Variants in ACOT13 observed in about 807,000 individuals in gnomAD.
The protein encoded by ACOT13 is acyl-CoA thioesterase 13.
Under a neutral mutation model 11.8 loss-of-function variants are expected in ACOT13, and 10 were observed. The observed-to-expected ratio is 0.85, with a 90% CI of 0.53 to 1.44. The LOEUF (loss-of-function observed/expected upper bound fraction) is 1.44. ACOT13 is among the 40% of genes most tolerant of loss of function. ACOT13 has a pLI of 0.00. For synonymous variants in ACOT13, 53 were observed against 61.0 expected (o/e 0.87, Z 0.61); for missense variants, 172 against 174.1 (o/e 0.99, Z 0.07).
chr6:24,669,004 C>A (rs960322190), intron 1 of ACOT13, among the ~76,000 whole-genome samples: 1 of 152,136 alleles, frequency 6.6e-6, no homozygotes, highest in African/African-American at 2.4e-5. Context: ...GTGAAACAGC[C>A]CTAGGTTCCC....
At chr6:24,667,477 G>A (rs946790803) in intron 1 of ACOT13, 133 bp downstream of exon 1, 20 of 786,122 alleles carry the variant, frequency 2.5e-5, no homozygotes, top group Admixed American at 2.4e-4. Context: ...ATTCACCTTA[G>A]TAATAATGAT....
intron 1 of ACOT13, among the ~76,000 whole-genome samples, chr6:24,688,569 G>C (rs1255173659): frequency 6.6e-6 from 1 of 151,634 alleles, no homozygotes; most frequent in Non-Finnish European, 1.5e-5. Flanking sequence ...ATTGTGTGAG[G>C]GGAAATAACC....
At position 24,702,965 on chromosome 6, in the gene ACOT13, T is replaced by G. The variant is rs971310937; in HGVS notation, c.*1350T>G. On this transcript the variant is annotated 3_prime_UTR_variant, in exon 3 of 3. Coordinates refer to ENST00000230048, the MANE Select transcript of ACOT13 (RefSeq NM_018473.4). Reference sequence around the variant, plus strand: ...GGAGTGATACAATCACAGCTTCCCATAGCCTCAAAATCCCAGGCTCAAGAC... The same window carrying G: ...GGAGTGATACAATCACAGCTTCCCAGAGCCTCAAAATCCCAGGCTCAAGAC... 1 of 152,212 alleles carries G rather than the reference T, an allele frequency of 6.6e-6. No homozygotes were observed. 9.4% of individuals were successfully genotyped at this position (152,212 alleles called of 1,614,324 possible).
chr6:24,677,705 T>C (rs1778478927), intron 1 of ACOT13, among the ~76,000 whole-genome samples: 1 of 152,246 alleles, frequency 6.6e-6, no homozygotes, highest in Non-Finnish European at 1.5e-5. Context: ...TCCATCTTAC[T>C]AAATGGGTAT....
Position 24,701,629 on chromosome 6 carries a change from T to G in ACOT13, c.*14T>G. ...CTGGGAAACTGAGAGAACAGCAGAATGACCTAAAGAAACCCAACAATGAAT... is the reference window on the plus strand; with the variant it reads ...CTGGGAAACTGAGAGAACAGCAGAAGGACCTAAAGAAACCCAACAATGAAT... On this transcript the variant is annotated 3_prime_UTR_variant, in exon 3 of 3. Coordinates refer to ENST00000230048, the MANE Select transcript of ACOT13 (RefSeq NM_018473.4). 1.3e-6 allele frequency: 2 copies of G among 1,591,064 alleles called. No individual in the cohort carries two copies. Among genetic ancestry groups the G allele is most frequent in the Non-Finnish European group, 1.7e-6 (2 of 1,168,900 alleles).
intron 1 of ACOT13, among the ~76,000 whole-genome samples, chr6:24,676,975 C>T (rs71555158): frequency 0.034 from 5,230 of 152,224 alleles, 145 homozygotes; most frequent in Middle Eastern, 0.12. Context: ...ATATATTTAC[C>T]CTTTTCCCTT....
At chr6:24,688,539 CAAAAAAA>C (rs34225480) in intron 1 of ACOT13, among the ~76,000 whole-genome samples, 10 of 82,338 alleles carry the variant, frequency 1.2e-4, no homozygotes, top group Non-Finnish European at 2.5e-4. Context: ...GACCCTGTCT[CAAAAAAA>C]AAAAAAAAAA....
At chr6:24,676,273 G>A (rs1490692792) in intron 1 of ACOT13, among the ~76,000 whole-genome samples, 1 of 151,996 alleles carries the variant, frequency 6.6e-6, no homozygotes, top group Non-Finnish European at 1.5e-5. Context: ...AAAGTCATTG[G>A]TAGCTTGATG....
At chr6:24,675,553 C>A (rs1392749952) in intron 1 of ACOT13, among the ~76,000 whole-genome samples, 1 of 152,166 alleles carries the variant, frequency 6.6e-6, no homozygotes, top group Non-Finnish European at 1.5e-5. Context: ...TGTTCATATC[C>A]TTTGCCCACT....
intron 1 of ACOT13, among the ~76,000 whole-genome samples, chr6:24,670,675 CAGGT>C (rs1180486066): frequency 2.0e-5 from 3 of 152,144 alleles, no homozygotes; most frequent in African/African-American, 4.8e-5. Flanking sequence ...CTGGAGAAAT[CAGGT>C]AGAGAGAAAC....
chr6:24,691,331 T>A (rs2127626686), intron 1 of ACOT13, among the ~76,000 whole-genome samples: 1 of 152,260 alleles, frequency 6.6e-6, no homozygotes, highest in East Asian at 1.9e-4. Context: ...ACTAAAACAT[T>A]CCTAGTCTAG....
chr6:24,689,564 A>G (rs1778690669), intron 1 of ACOT13, among the ~76,000 whole-genome samples: 1 of 152,204 alleles, frequency 6.6e-6, no homozygotes. Flanking sequence ...CCATTTTTGT[A>G]ATTGAATAAA....
intron 1 of ACOT13, among the ~76,000 whole-genome samples, chr6:24,693,102 C>T (rs1778742703): frequency 6.6e-6 from 1 of 152,240 alleles, no homozygotes; most frequent in South Asian, 2.1e-4. Flanking sequence ...GACACACCTC[C>T]TGTCATCTGC....
intron 1 of ACOT13, among the ~76,000 whole-genome samples, chr6:24,674,464 A>G (rs992356293): frequency 6.6e-6 from 1 of 152,062 alleles, no homozygotes; most frequent in African/African-American, 2.4e-5. Context: ...GCTGGAGTGC[A>G]GTTGCGTGAT....
chr6:24,696,010 A>G (rs1778789957), intron 1 of ACOT13, among the ~76,000 whole-genome samples: 1 of 152,232 alleles, frequency 6.6e-6, no homozygotes, highest in Non-Finnish European at 1.5e-5. Context: ...GTGAGCCGAG[A>G]TCAAGCCACT....
At chr6:24,688,035 C>G (rs1778661304) in intron 1 of ACOT13, among the ~76,000 whole-genome samples, 1 of 151,920 alleles carries the variant, frequency 6.6e-6, no homozygotes, top group African/African-American at 2.4e-5. Flanking sequence ...CTTATACTTA[C>G]TATTAATAGA....
chr6:24,697,899 C>T lies in ACOT13; in HGVS notation c.98C>T (p.Ala33Val). 6.2e-7 allele frequency: 1 copy of T among 1,608,702 alleles called. No homozygotes were observed. The highest frequency in any genetic ancestry group is 8.5e-7 in the Non-Finnish European group (1 of 1,177,888). The change falls in exon 2 of 3, where the codon GCT becomes GTT. Residue 33 changes from alanine (A) to valine (V), a missense_variant. Coordinates refer to ENST00000230048, the MANE Select transcript of ACOT13 (RefSeq NM_018473.4). ...RVLGKITLVS[A>V]APGKVICEMK... ...TACACTTAGATTACTCTTGTCTCTGCTGCTCCTGGGAAAGTGATTTGTGAA... is the reference window on the plus strand; with the variant it reads ...TACACTTAGATTACTCTTGTCTCTGTTGCTCCTGGGAAAGTGATTTGTGAA...
chr6:24,703,296 C>T lies in ACOT13; in HGVS notation c.*1681C>T, dbSNP rs1778926862. On this transcript the variant is annotated 3_prime_UTR_variant, in exon 3 of 3. Coordinates refer to ENST00000230048, the MANE Select transcript of ACOT13 (RefSeq NM_018473.4). Reference sequence around the variant, plus strand: ...CAGTTAAAGACAAATCCTTTCCCTACATTAGATCGCCTGCTGATCTGTCCA... The same window carrying T: ...CAGTTAAAGACAAATCCTTTCCCTATATTAGATCGCCTGCTGATCTGTCCA... 1 of 152,222 alleles carries T rather than the reference C, an allele frequency of 6.6e-6. No individual in the cohort carries two copies. Among genetic ancestry groups the T allele is most frequent in the South Asian group, 2.1e-4 (1 of 4,838 alleles). The allele number at this position is 152,222 out of a possible 1,614,324, so 9.4% of individuals were successfully genotyped here.
At chr6:24,671,630 CAAAG>C (rs1364885830) in intron 1 of ACOT13, among the ~76,000 whole-genome samples, 2 of 151,758 alleles carry the variant, frequency 1.3e-5, no homozygotes, top group East Asian at 1.9e-4. Flanking sequence ...ACAAATTTAA[CAAAG>C]AAAACATTAT....
Sources: allele counts gnomAD v4.1 joint callset (sites outside exome capture counted in the v4.1 genomes callset), GRCh38; gene constraint gnomAD v4.1.1; transcripts MANE v1.5; gene names NCBI Gene and HGNC (gene_info 2026-07-23, HGNC 2026-07-21).